Variants in TRMT11 observed in about 807,000 individuals in gnomAD.
TRMT11 encodes the protein tRNA methyltransferase 11.
TRMT11 carries 53 observed loss-of-function variants against 62.8 expected under a neutral mutation model. The ratio of observed to expected loss-of-function variants is 0.84; its 90% confidence interval spans 0.68 to 1.06. TRMT11 has a LOEUF of 1.06. Among genes scored for constraint, TRMT11 ranks in the 50% least tolerant of loss-of-function variants. The pLI is 0.00. For synonymous variants in TRMT11, 188 were observed against 190.3 expected, an observed-to-expected ratio of 0.99 and a Z score of 0.10; for missense variants, 556 against 553.4, an observed-to-expected ratio of 1.00 and a Z score of -0.05.
chr6:126,242,068 T>C, the TRMT11 span, among the ~76,000 whole-genome samples: 1 of 150,992 alleles, frequency 6.6e-6, no homozygotes, highest in African/African-American at 2.5e-5. Context: ...CTTAAGTTGA[T>C]AAGCAACTTC....
chr6:126,201,728 ATTTTT>A (rs1443113204), intron 3 of TRMT11, among the ~76,000 whole-genome samples: 3 of 149,244 alleles, frequency 2.0e-5, no homozygotes, highest in Admixed American at 1.3e-4. Flanking sequence ...TTCTCTCTTT[ATTTTT>A]ATTTTCCTCT....
chr6:126,169,340 A>G (rs1289080678), intron 21 of TRMT11, among the ~76,000 whole-genome samples: 1 of 152,122 alleles, frequency 6.6e-6, no homozygotes, highest in Non-Finnish European at 1.5e-5. Context: ...GAAATGAGCT[A>G]TGGTTAGTGA....
At chr6:126,269,187 C>A in the TRMT11 span, among the ~76,000 whole-genome samples, 36 of 146,824 alleles carry the variant, frequency 2.5e-4, no homozygotes, top group African/African-American at 8.1e-4. Context: ...TGGCGTGAAC[C>A]CGGGAGGCGG....
chr6:126,081,291 A>C (rs1240438365), intron 17 of TRMT11, among the ~76,000 whole-genome samples: 1 of 152,234 alleles, frequency 6.6e-6, no homozygotes, highest in Non-Finnish European at 1.5e-5. Flanking sequence ...CACTGGAAAC[A>C]GTCTGCTTTT....
intron 11 of TRMT11, among the ~76,000 whole-genome samples, chr6:126,013,338 C>T (rs1193996870): frequency 6.6e-6 from 1 of 151,976 alleles, no homozygotes; most frequent in East Asian, 1.9e-4. Context: ...CTCACTGCAG[C>T]GTTGACCTCC....
At chr6:126,020,312 T>C (rs964887328) in intron 11 of TRMT11, among the ~76,000 whole-genome samples, 2 of 152,228 alleles carry the variant, frequency 1.3e-5, no homozygotes, top group Non-Finnish European at 2.9e-5. Context: ...TTCTTAAAAG[T>C]ACCCATGCCT....
chr6:126,030,299 A>C (rs1773956387), intron 12 of TRMT11, among the ~76,000 whole-genome samples: 1 of 152,148 alleles, frequency 6.6e-6, no homozygotes, highest in Admixed American at 6.5e-5. Context: ...AGGATTTTTA[A>C]ACAAAAGCTG....
the TRMT11 span, among the ~76,000 whole-genome samples, chr6:126,237,316 G>A: frequency 3.3e-5 from 5 of 152,192 alleles, no homozygotes; most frequent in East Asian, 1.9e-4. Flanking sequence ...AATTCTTTCC[G>A]TCTATCTCCA....
intron 21 of TRMT11, among the ~76,000 whole-genome samples, chr6:126,165,675 T>A (rs573661040): frequency 1.3e-5 from 2 of 152,228 alleles, no homozygotes; most frequent in Non-Finnish European, 2.9e-5. Context: ...GGGCTTCCCT[T>A]TGTGGGTAAC....
intron 17 of TRMT11, among the ~76,000 whole-genome samples, chr6:126,075,678 G>C (rs984241506): frequency 2.0e-5 from 3 of 152,128 alleles, no homozygotes; most frequent in Admixed American, 2.0e-4. Context: ...ATGTGAGAAT[G>C]GACTGATACA....
chr6:126,182,967 G>A (rs1778484055), intron 1 of TRMT11, among the ~76,000 whole-genome samples: 1 of 152,018 alleles, frequency 6.6e-6, no homozygotes, highest in African/African-American at 2.4e-5. Flanking sequence ...GGGGCTGTTG[G>A]AACTTCACCT....
chr6:126,103,315 G>C (rs73773359), intron 17 of TRMT11, among the ~76,000 whole-genome samples: 6,293 of 152,256 alleles, frequency 0.041, 415 homozygotes, highest in African/African-American at 0.14. Flanking sequence ...TTAAAAGTGA[G>C]TCTTTTATAC....
intron 21 of TRMT11, among the ~76,000 whole-genome samples, chr6:126,130,237 G>A (rs1273452038): frequency 2.0e-5 from 3 of 152,092 alleles, no homozygotes; most frequent in Non-Finnish European, 4.4e-5. Context: ...GAGAACAACA[G>A]CGGGGTCTTT....
intron 17 of TRMT11, among the ~76,000 whole-genome samples, chr6:126,107,782 A>T (rs1350106478): frequency 6.6e-6 from 1 of 152,166 alleles, no homozygotes; most frequent in African/African-American, 2.4e-5. Context: ...AATCCTTTCC[A>T]AGTTAGAGAA....
chr6:126,104,083 C>T lies in TRMT11; in HGVS notation c.*1438-8783C>T, dbSNP rs1162084390. Among the ~76,000 whole-genome samples the T allele has an allele frequency of 5.3e-5, 8 of 152,314 alleles. No homozygotes were observed. The East Asian group carries it at 1.5e-3, about 29-fold the overall frequency. ...ACAAATTTAGAAAACTGATTCTGAT[C>T]TCCTTGTTTCAACTACTAAATAATC... On this transcript the variant is annotated intron_variant and NMD_transcript_variant, in intron 17 of 22. Transcript: ENST00000648977.
intron 8 of TRMT11, among the ~76,000 whole-genome samples, chr6:126,010,436 G>C (rs1201188673): frequency 6.6e-6 from 1 of 151,868 alleles, no homozygotes; most frequent in Non-Finnish European, 1.5e-5. Flanking sequence ...GAGTCATGTC[G>C]TTCTTCTTTT....
chr6:126,211,526 T>C, the TRMT11 span, among the ~76,000 whole-genome samples: 1 of 152,228 alleles, frequency 6.6e-6, no homozygotes, highest in Non-Finnish European at 1.5e-5. Flanking sequence ...CTTATAACTC[T>C]TATAATCCAC....
At chr6:126,086,913 A>G (rs911453103) in intron 17 of TRMT11, among the ~76,000 whole-genome samples, 5 of 152,176 alleles carry the variant, frequency 3.3e-5, no homozygotes, top group Non-Finnish European at 5.9e-5. Context: ...TGGCCTCCCC[A>G]TAGCTCCCTG....
chr6:126,262,612 C>T, the TRMT11 span, among the ~76,000 whole-genome samples: 1 of 152,150 alleles, frequency 6.6e-6, no homozygotes, highest in African/African-American at 2.4e-5. Context: ...TACTCTGCAG[C>T]AGTGTACTTG....
Sources: gnomAD v4.1 joint callset for allele counts (sites outside exome capture counted in the v4.1 genomes callset) on GRCh38, gnomAD v4.1.1 for gene constraint, MANE v1.5 for transcripts, NCBI Gene and HGNC (gene_info 2026-07-23, HGNC 2026-07-21) for gene names.